The following POLN variants were observed in gnomAD, a reference collection of about 807,000 sequenced individuals.
The protein encoded by POLN is DNA polymerase nu, also known as DNA polymerase N.
POLN carries 108 observed loss-of-function variants against 113.5 expected under a neutral mutation model. That is an observed-to-expected ratio of 0.95 (90% CI 0.81 to 1.12). The LOEUF (loss-of-function observed/expected upper bound fraction) is 1.12. Ranked by LOEUF, POLN falls within the 50% of genes most tolerant of loss-of-function variation. POLN has a pLI of 0.00. For synonymous variants in POLN, 386 were observed against 391.5 expected (o/e 0.99, Z 0.17); for missense variants, 1,097 against 1,077.1 (o/e 1.02, Z -0.26).
Position 2,075,951 on chromosome 4 carries a change from G to A in POLN, c.2388-432C>T, listed in dbSNP as rs547488655. On this transcript the variant is annotated intron_variant, in intron 23 of 25. Coordinates refer to ENST00000511885, the MANE Select transcript of POLN (RefSeq NM_181808.4). ...AACAGCCCCTTGTGAACTGTTGTGG[G>A]GGCCCTGACATGGGCCGAGCCTCGA... Among the ~76,000 whole-genome samples, 5 of 152,286 alleles carry A rather than the reference G, an allele frequency of 3.3e-5. No homozygotes were observed. In the South Asian group the frequency reaches 1.0e-3, roughly 32 times the overall value.
chr4:2,149,862 T>A (rs1732246902), intron 16 of POLN, among the ~76,000 whole-genome samples: 1 of 151,816 alleles, frequency 6.6e-6, no homozygotes, highest in Non-Finnish European at 1.5e-5. Flanking sequence ...GGAGGGCGGA[T>A]CACGAGGTCA....
rs755867795 is a variant in POLN at position 2,131,190 on chromosome 4, A to G, written c.1789+43T>C. 9 of 1,386,240 alleles carry G rather than the reference A, an allele frequency of 6.5e-6. No homozygotes were observed. The South Asian group carries it at 8.5e-5, about 13-fold the overall frequency. The allele number at this position is 1,386,240 out of a possible 1,614,324, so 85.9% of individuals were successfully genotyped here. A position where few individuals can be genotyped will look rare whatever the true frequency, so the allele number is the denominator to read the frequency against. ...ACAGAGTGACACCCTATCTCAAAAG[A>G]GAGTTACCAGAGACTTTAGCAAGGT... On this transcript the variant is annotated intron_variant, in intron 17 of 25. Transcript: ENST00000511885.
intron 4 of POLN, 51 bp from the exon 5 acceptor site, chr4:2,208,538 T>C: frequency 7.3e-7 from 1 of 1,374,430 alleles, no homozygotes; most frequent in East Asian, 2.4e-5. Flanking sequence ...ATAAGACAGA[T>C]CTATAAACTA....
At chr4:2,240,664 C>A in intron 2 of POLN, 1 of 1,613,966 alleles carries the variant, frequency 6.2e-7, no homozygotes. Flanking sequence ...TCTTTATCAT[C>A]CAGTCTAGGT....
intron 7 of POLN, among the ~76,000 whole-genome samples, chr4:2,188,613 A>C (rs28818797): frequency 7.7e-5 from 7 of 91,390 alleles, no homozygotes; most frequent in African/African-American, 5.0e-4. Flanking sequence ...AAAAAACAAA[A>C]AACAAAAAAA....
At position 2,135,090 on chromosome 4, in the gene POLN, T is replaced by A. The variant is rs559669245; in HGVS notation, c.1732-3800A>T. Among the ~76,000 whole-genome samples the A allele has an allele frequency of 2.0e-5, 3 of 152,326 alleles. No individual in the cohort carries two copies. The East Asian group carries it at 5.8e-4, about 29-fold the overall frequency. On this transcript the variant is annotated intron_variant, in intron 16 of 25. Transcript: ENST00000511885. ...ATCTGGCCTTCTGGGAGTTATTGTC[T>A]GTCATGACGTGTGTATCACACATAC...
intron 3 of POLN, among the ~76,000 whole-genome samples, chr4:2,219,988 T>A (rs1734216283): frequency 6.6e-6 from 1 of 152,102 alleles, no homozygotes; most frequent in Non-Finnish European, 1.5e-5. Flanking sequence ...CAGCCCACCA[T>A]AGGTACTCTC....
At chr4:2,075,335 G>T in intron 24 of POLN, 117 bp downstream of exon 24, 2 of 1,099,430 alleles carry the variant, frequency 1.8e-6, no homozygotes, top group Non-Finnish European at 2.6e-6. Context: ...ATGAGGTGGG[G>T]CAGGGGCCAT....
intron 7 of POLN, among the ~76,000 whole-genome samples, chr4:2,187,729 C>G (rs1016874669): frequency 7.3e-6 from 1 of 136,426 alleles, no homozygotes; most frequent in Non-Finnish European, 1.5e-5. Flanking sequence ...GAGAAAAGAA[C>G]AAATAACATA....
chr4:2,126,057 A>G lies in POLN; in HGVS notation c.1982+2056T>C, dbSNP rs1316238509. Among the ~76,000 whole-genome samples the G allele has an allele frequency of 6.6e-6, 1 of 152,206 alleles. No homozygotes were observed. The highest frequency in any genetic ancestry group is 6.5e-5 in the Admixed American group (1 of 15,286). On this transcript the variant is annotated intron_variant, in intron 19 of 25. Transcript: ENST00000511885. This position sits in a 1 kb window ranked among gnomAD's most constrained non-coding sequence, Gnocchi z 4.6. ...AGAGAACGACAAGAGGATGCCCTGC[A>G]TACTGGGTGGGAGGCAGGACTCCAG...
At chr4:2,145,274 A>T (rs1732108212) in intron 16 of POLN, among the ~76,000 whole-genome samples, 1 of 152,196 alleles carries the variant, frequency 6.6e-6, no homozygotes, top group Non-Finnish European at 1.5e-5. Context: ...AATGAGACAC[A>T]GAGAGGTACA....
At chr4:2,207,946 T>C (rs1733892240) in intron 5 of POLN, 41 bp downstream of exon 5, 1 of 1,524,042 alleles carries the variant, frequency 6.6e-7, no homozygotes, top group South Asian at 1.3e-5. Flanking sequence ...GCTTCTTTTA[T>C]GGTGTCAAGA....
At chr4:2,160,028 A>G (rs1191590625) in intron 13 of POLN, among the ~76,000 whole-genome samples, 3 of 152,214 alleles carry the variant, frequency 2.0e-5, no homozygotes, top group Non-Finnish European at 4.4e-5. Context: ...TTTAGCAGAG[A>G]TACTGCCAGT....
intron 16 of POLN, among the ~76,000 whole-genome samples, chr4:2,147,999 C>A (rs1302880935): frequency 6.6e-6 from 1 of 152,060 alleles, no homozygotes; most frequent in African/African-American, 2.4e-5. Context: ...CAGAGCCAGG[C>A]TTGGGGAAAT....
At chr4:2,084,663 C>T (rs1337032512) in intron 21 of POLN, among the ~76,000 whole-genome samples, 3 of 152,232 alleles carry the variant, frequency 2.0e-5, no homozygotes, top group Non-Finnish European at 4.4e-5. Context: ...AAGTCATCAA[C>T]GAGTCACTGG....
At chr4:2,239,081 C>T in intron 2 of POLN, 1 of 1,108,018 alleles carries the variant, frequency 9.0e-7, no homozygotes, top group East Asian at 2.5e-5. Context: ...AAACTGTATG[C>T]CTAAATTTGA....
At chr4:2,094,967 G>A (rs1456149887) in intron 20 of POLN, among the ~76,000 whole-genome samples, 1 of 152,136 alleles carries the variant, frequency 6.6e-6, no homozygotes, top group African/African-American at 2.4e-5. Flanking sequence ...CACAAGCCCT[G>A]CTACCCAAAG....
intron 23 of POLN, chr4:2,080,329 C>T (rs1347400626): frequency 2.0e-6 from 2 of 1,008,198 alleles, no homozygotes; most frequent in African/African-American, 3.5e-5. Context: ...GGGACAGAGG[C>T]CTGAGAGAGC....
chr4:2,165,383 G>A (rs1456777336), intron 13 of POLN, among the ~76,000 whole-genome samples: 1 of 152,170 alleles, frequency 6.6e-6, no homozygotes, highest in Non-Finnish European at 1.5e-5. Flanking sequence ...CAAAACTGTG[G>A]AAACAGTAAA....
Sources: allele counts gnomAD v4.1 joint callset (sites outside exome capture counted in the v4.1 genomes callset), GRCh38; gene constraint gnomAD v4.1.1; non-coding constraint Gnocchi (gnomAD v3.1); transcripts MANE v1.5; gene names NCBI Gene and HGNC (gene_info 2026-07-23, HGNC 2026-07-21).